The following IGF1R variants were observed in gnomAD, a reference collection of about 807,000 sequenced individuals.
The protein encoded by IGF1R is insulin-like growth factor 1 receptor.
Under a neutral mutation model 144.6 loss-of-function variants are expected in IGF1R, and 44 were observed. The observed-to-expected ratio is 0.30, with a 90% CI of 0.24 to 0.39. The LOEUF (loss-of-function observed/expected upper bound fraction) is 0.39, where lower values mean the gene tolerates loss of function less well. Among genes scored for constraint, IGF1R ranks in the 10% least tolerant of loss-of-function variants. The pLI, the probability that IGF1R is intolerant of heterozygous loss-of-function variation, is 1.00. For missense variants in IGF1R, 1,355 were observed against 1,833.7 expected (o/e 0.74, Z 4.77); for synonymous variants, 795 against 722.8 (o/e 1.10, Z -1.60).
intron 2 of IGF1R, among the ~76,000 whole-genome samples, chr15:98,726,266 A>G (rs1216540140): frequency 3.3e-5 from 5 of 152,176 alleles, no homozygotes; most frequent in African/African-American, 1.2e-4. Flanking sequence ...CTGCTTTCCT[A>G]TGATTTTCCT....
At chr15:98,922,814 T>C (rs2015548101) in intron 11 of IGF1R, among the ~76,000 whole-genome samples, 1 of 152,260 alleles carries the variant, frequency 6.6e-6, no homozygotes, top group South Asian at 2.1e-4. Flanking sequence ...TTAGTTGCCT[T>C]GATCCAGAGT....
Position 98,934,829 on chromosome 15 carries a change from G to GT in IGF1R, c.2964dup (p.Pro989SerfsTer2), listed in dbSNP as rs1174026267. The stretch of plus-strand genomic sequence containing the variant: ...AATTACGGTTTCTTCTCCAGTGTAC[G>GT]TTCCTGATGAGTGGGAGGTGGCTCG... On this transcript the variant is annotated frameshift_variant, in exon 16 of 21. Coordinates refer to ENST00000650285, the MANE Select transcript of IGF1R (RefSeq NM_000875.5). LOFTEE classifies it high-confidence loss of function. 6.2e-7 allele frequency: 1 copy of GT among 1,613,832 alleles called. No individual in the cohort carries two copies. The highest frequency in any genetic ancestry group is 8.5e-7 in the Non-Finnish European group (1 of 1,179,848).
chr15:98,833,670 T>A (rs900866587), intron 2 of IGF1R, among the ~76,000 whole-genome samples: 1 of 152,222 alleles, frequency 6.6e-6, no homozygotes, highest in Non-Finnish European at 1.5e-5. Flanking sequence ...CATGTAATAA[T>A]AACACAGATA....
intron 1 of IGF1R, among the ~76,000 whole-genome samples, chr15:98,658,729 G>A (rs1330831128): frequency 6.6e-6 from 1 of 152,096 alleles, no homozygotes; most frequent in African/African-American, 2.4e-5. Flanking sequence ...AACTTGTATA[G>A]ATCTACTTTC....
Position 98,957,673 on chromosome 15 carries a change from A to C in IGF1R, c.*231A>C, listed in dbSNP as rs914688216. The C allele has an allele frequency of 1.8e-5, 11 of 595,804 alleles. No homozygotes were observed. Among genetic ancestry groups the C allele is most frequent in the African/African-American group, 1.7e-4 (9 of 53,794 alleles). The allele number at this position is 595,804 out of a possible 1,614,324, so 36.9% of individuals were successfully genotyped here. On this transcript the variant is annotated 3_prime_UTR_variant, in exon 21 of 21. Transcript: ENST00000650285. ...TTCCCTGCCCAAACCCTTAACTGACATGGGCCTTTAAGAACCTTAATGACA... is the reference window on the plus strand; with the variant it reads ...TTCCCTGCCCAAACCCTTAACTGACCTGGGCCTTTAAGAACCTTAATGACA...
chr15:98,908,287 A>G (rs2014829629), intron 5 of IGF1R, among the ~76,000 whole-genome samples: 1 of 152,214 alleles, frequency 6.6e-6, no homozygotes, highest in Admixed American at 6.5e-5. Flanking sequence ...TTTAGAGCAA[A>G]GTGTACGCTG....
chr15:98,853,200 C>T (rs1179768166), intron 2 of IGF1R, among the ~76,000 whole-genome samples: 1 of 151,984 alleles, frequency 6.6e-6, no homozygotes, highest in Non-Finnish European at 1.5e-5. Context: ...AATATGTTTC[C>T]TCCCTTTAAA....
intron 2 of IGF1R, among the ~76,000 whole-genome samples, chr15:98,736,455 T>A (rs1409483101): frequency 2.0e-5 from 3 of 151,916 alleles, no homozygotes; most frequent in Non-Finnish European, 4.4e-5. Flanking sequence ...TTATGGGGGG[T>A]GGTAGGCAGT....
chr15:98,772,476 A>AATTATTATTATT (rs147636909), intron 2 of IGF1R, among the ~76,000 whole-genome samples: 1,269 of 62,506 alleles, frequency 0.02, 25 homozygotes, highest in African/African-American at 0.047. Context: ...GTCACTTAAA[A>AATTATTATTATT]ATTATTATTA....
At chr15:98,738,431 G>C (rs1462484005) in intron 2 of IGF1R, among the ~76,000 whole-genome samples, 1 of 152,188 alleles carries the variant, frequency 6.6e-6, no homozygotes, top group Non-Finnish European at 1.5e-5. Flanking sequence ...AGTGCTTTGA[G>C]AGACCGAGAC....
At chr15:98,944,863 G>A (rs2016493307) in intron 19 of IGF1R, among the ~76,000 whole-genome samples, 1 of 152,004 alleles carries the variant, frequency 6.6e-6, no homozygotes, top group African/African-American at 2.4e-5. Context: ...CAAATCTTTC[G>A]TGTTCTGCTA....
rs559211045 is a variant in IGF1R, at chr15:98,957,874, A to G, written c.*432A>G. The G allele has an allele frequency of 6.6e-5, 18 of 272,244 alleles. No individual in the cohort carries two copies. The highest frequency in any genetic ancestry group is 1.6e-4 in the East Asian group (3 of 18,196). The allele number at this position is 272,244 out of a possible 1,614,324, so 16.9% of individuals were successfully genotyped here. ...GTGGCTGTCCCTGTGGCCCCATCCA[A>G]CCACTGTACACACCCGCCTGACACC... On this transcript the variant is annotated 3_prime_UTR_variant, in exon 21 of 21. Coordinates refer to ENST00000650285, the MANE Select transcript of IGF1R (RefSeq NM_000875.5).
intron 2 of IGF1R, among the ~76,000 whole-genome samples, chr15:98,859,525 C>A (rs1009733626): frequency 6.6e-6 from 1 of 152,136 alleles, no homozygotes; most frequent in African/African-American, 2.4e-5. Context: ...TAAGCTTTGC[C>A]CTCAAGAAGG....
chr15:98,824,930 G>A (rs976784114), intron 2 of IGF1R, among the ~76,000 whole-genome samples: 4 of 151,464 alleles, frequency 2.6e-5, no homozygotes, highest in Admixed American at 6.6e-5. Flanking sequence ...TCTGCCTTCC[G>A]GGTTCAAGCG....
At chr15:98,747,201 TTGTTG>T (rs1476797463) in intron 2 of IGF1R, among the ~76,000 whole-genome samples, 2 of 99,510 alleles carry the variant, frequency 2.0e-5, no homozygotes, top group Non-Finnish European at 5.0e-5. Context: ...GTTGTTGTTG[TTGTTG>T]TGTTTTTGAG....
chr15:98,905,770 A>G (rs1310217869), intron 5 of IGF1R, among the ~76,000 whole-genome samples: 1 of 152,244 alleles, frequency 6.6e-6, no homozygotes, highest in Non-Finnish European at 1.5e-5. Flanking sequence ...AATTTACTTA[A>G]GTAATCTTTT....
intron 2 of IGF1R, among the ~76,000 whole-genome samples, chr15:98,799,557 C>T (rs541788935): frequency 9.9e-5 from 15 of 152,284 alleles, no homozygotes; most frequent in Admixed American, 9.2e-4. Context: ...CCATGTATTT[C>T]GCAAGATTCA....
intron 2 of IGF1R, among the ~76,000 whole-genome samples, chr15:98,823,026 A>C (rs1036377152): frequency 6.6e-6 from 1 of 152,200 alleles, no homozygotes; most frequent in African/African-American, 2.4e-5. Flanking sequence ...AACTTACTCA[A>C]AGCTTAGCAG....
intron 2 of IGF1R, among the ~76,000 whole-genome samples, chr15:98,836,935 A>G (rs1167579225): frequency 2.6e-5 from 4 of 152,220 alleles, no homozygotes; most frequent in Non-Finnish European, 4.4e-5. Context: ...TGATGTCAGC[A>G]TCTTACCACT....
Sources: allele counts gnomAD v4.1 joint callset (sites outside exome capture counted in the v4.1 genomes callset), GRCh38; gene constraint gnomAD v4.1.1; transcripts MANE v1.5; gene names NCBI Gene and HGNC (gene_info 2026-07-23, HGNC 2026-07-21).